FRMD4B: variants seen among roughly 807,000 people sequenced by gnomAD.
FRMD4B encodes the protein FERM domain-containing protein 4B.
In FRMD4B, 74 loss-of-function variants were observed where a neutral mutation model predicts 141.5. The observed-to-expected ratio is 0.52, with a 90% CI of 0.43 to 0.63. The LOEUF is 0.63. FRMD4B is among the 30% of genes least tolerant of loss of function. The pLI is 0.00. For synonymous variants in FRMD4B, 506 were observed against 467.9 expected, an observed-to-expected ratio of 1.08 and a Z score of -1.05; for missense variants, 1,366 against 1,253.4, an observed-to-expected ratio of 1.09 and a Z score of -1.36.
At chr3:69,314,308 A>C (rs985246217) in intron 1 of FRMD4B, among the ~76,000 whole-genome samples, 17 of 150,554 alleles carry the variant, frequency 1.1e-4, no homozygotes, top group Non-Finnish European at 2.4e-4. Flanking sequence ...CAGGCAGATC[A>C]CTTGAGGCCA....
intron 1 of FRMD4B, among the ~76,000 whole-genome samples, chr3:69,478,262 T>G (rs199881255): frequency 0.085 from 12,966 of 151,920 alleles, 900 homozygotes; most frequent in East Asian, 0.39. Context: ...GAATGTGTTT[T>G]CTCTTGCTTT....
intron 5 of FRMD4B, among the ~76,000 whole-genome samples, chr3:69,272,750 A>T (rs925985152): frequency 1.3e-5 from 2 of 152,232 alleles, no homozygotes; most frequent in African/African-American, 4.8e-5. Flanking sequence ...ATGTGATGCT[A>T]ACAGTAATGG....
At chr3:69,302,920 A>T (rs1266470598) in intron 3 of FRMD4B, among the ~76,000 whole-genome samples, 1 of 152,142 alleles carries the variant, frequency 6.6e-6, no homozygotes, top group Non-Finnish European at 1.5e-5. Flanking sequence ...TAAAATAAAA[A>T]AAAATTAGCC....
At chr3:69,273,308 G>A (rs1335643595) in intron 5 of FRMD4B, among the ~76,000 whole-genome samples, 1 of 152,224 alleles carries the variant, frequency 6.6e-6, no homozygotes, top group Non-Finnish European at 1.5e-5. Context: ...AGAGAAGTAT[G>A]TCAACCTATC....
At chr3:69,483,740 T>C (rs1054764117) in intron 1 of FRMD4B, among the ~76,000 whole-genome samples, 1 of 152,228 alleles carries the variant, frequency 6.6e-6, no homozygotes, top group South Asian at 2.1e-4. Context: ...GTTAACCAAC[T>C]GTGGACCCTT....
intron 10 of FRMD4B, 83 bp downstream of exon 10, chr3:69,218,239 G>C: frequency 1.4e-6 from 1 of 702,940 alleles, no homozygotes; most frequent in Non-Finnish European, 2.5e-6. Flanking sequence ...GATATAATCA[G>C]CCTTTTATAT....
rs541045682 is a variant in FRMD4B, at chr3:69,429,708, G to A, written c.-1+2926C>T. ...AGAAGGGTGCTTGGGTGAAATTTGA[G>A]GGCATCAGAATCCTCCTCTGGTCTC... On this transcript the variant is annotated intron_variant, in intron 2 of 5. Coordinates refer to the FRMD4B transcript ENST00000459638. Among the ~76,000 whole-genome samples the A allele has an allele frequency of 1.6e-3, 238 of 151,486 alleles. 2 individuals are homozygous for A. Among genetic ancestry groups the A allele is most frequent in the Middle Eastern group, 3.5e-3 (1 of 288 alleles).
intron 1 of FRMD4B, among the ~76,000 whole-genome samples, chr3:69,366,167 G>C (rs111912928): frequency 0.21 from 30,692 of 147,152 alleles, 4,194 homozygotes; most frequent in African/African-American, 0.38. Context: ...GGCTAAGGCA[G>C]GAGAATTGTT....
intron 5 of FRMD4B, among the ~76,000 whole-genome samples, chr3:69,272,460 C>T (rs946093330): frequency 2.0e-5 from 3 of 152,158 alleles, no homozygotes; most frequent in African/African-American, 7.2e-5. Context: ...GCGCCCAGCC[C>T]ATTCACAAGT....
intron 10 of FRMD4B, among the ~76,000 whole-genome samples, chr3:69,216,642 G>C (rs1575619702): frequency 6.6e-6 from 1 of 151,950 alleles, no homozygotes; most frequent in African/African-American, 2.4e-5. Context: ...ATGTTGGCTA[G>C]GATGGTCTTG....
At chr3:69,198,616 A>G (rs1354150104) in intron 12 of FRMD4B, 82 bp downstream of exon 12, 1 of 734,558 alleles carries the variant, frequency 1.4e-6, no homozygotes, top group African/African-American at 1.8e-5. Context: ...ATATGTTCAT[A>G]TAAAAACTTG....
At chr3:69,447,356 A>C (rs79432699) in intron 1 of FRMD4B, among the ~76,000 whole-genome samples, 51 of 152,354 alleles carry the variant, frequency 3.3e-4, no homozygotes, top group African/African-American at 1.2e-3. Context: ...TGGAATCAAG[A>C]TCTTATAAGA....
intron 7 of FRMD4B, among the ~76,000 whole-genome samples, chr3:69,245,314 T>C (rs1475859475): frequency 8.4e-6 from 1 of 119,594 alleles, no homozygotes; most frequent in Non-Finnish European, 1.8e-5. Context: ...TGCCTGACTT[T>C]CTTTGTGTGT....
At position 69,456,898 on chromosome 3, in the gene FRMD4B, C is replaced by G. The variant is rs117676683; in HGVS notation, c.-128-24137G>C. On this transcript the variant is annotated intron_variant, in intron 1 of 5. Transcript: ENST00000459638. ...CTGCTTTCATACTAAAATGGCGCAG[C>G]TGAGTAGCTGCAACACAGTCCATGT... Among the ~76,000 whole-genome samples the G allele has an allele frequency of 1.7e-3, 256 of 152,276 alleles. 8 individuals carry two copies. The East Asian group carries it at 0.046, about 27-fold the overall frequency.
rs151140820 is a variant in FRMD4B, at chr3:69,380,293, C to G, written c.162+5535G>C. Among the ~76,000 whole-genome samples the G allele has an allele frequency of 5.8e-3, 888 of 152,294 alleles. 2 individuals carry two copies. Among genetic ancestry groups the G allele is most frequent in the African/African-American group, 0.02 (845 of 41,564 alleles). On this transcript the variant is annotated intron_variant, in intron 1 of 22. Transcript: ENST00000398540. Reference sequence around the variant, plus strand: ...GTGGGAAATTTCACAGTCTCTCTTACTGAGCATCCTCAGGAAACATGTAAA... The same window carrying G: ...GTGGGAAATTTCACAGTCTCTCTTAGTGAGCATCCTCAGGAAACATGTAAA...
At chr3:69,203,618 T>G (rs1212560843) in intron 11 of FRMD4B, among the ~76,000 whole-genome samples, 1 of 152,174 alleles carries the variant, frequency 6.6e-6, no homozygotes, top group African/African-American at 2.4e-5. Flanking sequence ...CTAGCTGTGT[T>G]GTATTTGGCA....
chr3:69,469,471 A>C (rs1705852162), intron 1 of FRMD4B, among the ~76,000 whole-genome samples: 1 of 152,228 alleles, frequency 6.6e-6, no homozygotes, highest in Non-Finnish European at 1.5e-5. Context: ...TTTTAGGTGA[A>C]TCCCAGAAGG....
intron 5 of FRMD4B, among the ~76,000 whole-genome samples, chr3:69,260,287 C>G (rs1213664227): frequency 6.6e-6 from 1 of 152,198 alleles, no homozygotes; most frequent in Non-Finnish European, 1.5e-5. Context: ...CAGCGGGAAC[C>G]AGGGCTGTGC....
intron 11 of FRMD4B, among the ~76,000 whole-genome samples, chr3:69,206,861 T>C (rs1221078214): frequency 6.6e-6 from 1 of 152,126 alleles, no homozygotes; most frequent in East Asian, 1.9e-4. Flanking sequence ...ACATTTTTTT[T>C]TGGTGGAGGG....
Sources: gnomAD v4.1 joint callset for allele counts (sites outside exome capture counted in the v4.1 genomes callset) on GRCh38, gnomAD v4.1.1 for gene constraint, MANE v1.5 for transcripts, NCBI Gene and HGNC (gene_info 2026-07-23, HGNC 2026-07-21) for gene names.